The following TRAF5 variants were observed in gnomAD, a reference collection of about 807,000 sequenced individuals.
TRAF5 encodes the protein TNF receptor associated factor 5, also known as TNF receptor-associated factor 5.
TRAF5 carries 48 observed loss-of-function variants against 64.5 expected under a neutral mutation model. That is an observed-to-expected ratio of 0.74 (90% CI 0.59 to 0.95). TRAF5 has a LOEUF of 0.95. Ranked by LOEUF, TRAF5 falls within the 40% of genes least tolerant of loss-of-function variation. TRAF5 has a pLI of 0.00. For missense variants in TRAF5, 545 were observed against 662.8 expected, an observed-to-expected ratio of 0.82 and a Z score of 1.95; for synonymous variants, 206 against 240.5, an observed-to-expected ratio of 0.86 and a Z score of 1.33.
intron 1 of TRAF5, among the ~76,000 whole-genome samples, chr1:211,340,658 T>A (rs1702423134): frequency 6.6e-6 from 1 of 152,220 alleles, no homozygotes; most frequent in African/African-American, 2.4e-5. Flanking sequence ...GGCTCCTTGC[T>A]TCTAGCCCTC....
chr1:211,336,049 A>G (rs927904198), intron 1 of TRAF5, among the ~76,000 whole-genome samples: 2 of 152,026 alleles, frequency 1.3e-5, no homozygotes, highest in Admixed American at 1.3e-4. Flanking sequence ...AGGTTTGTGG[A>G]GGAGAGAAAG....
At chr1:211,369,372 C>T (rs1284779866) in intron 8 of TRAF5, 80 bp from the exon 9 acceptor site, 1 of 1,202,096 alleles carries the variant, frequency 8.3e-7, no homozygotes, top group Non-Finnish European at 1.1e-6. Flanking sequence ...ACTTTCTTAG[C>T]TGCAAGTGCA....
At chr1:211,340,645 T>C (rs902455987) in intron 1 of TRAF5, among the ~76,000 whole-genome samples, 3 of 152,232 alleles carry the variant, frequency 2.0e-5, no homozygotes, top group African/African-American at 7.2e-5. Flanking sequence ...GTCTAGACTT[T>C]CTGGCTCCTT....
intron 1 of TRAF5, among the ~76,000 whole-genome samples, chr1:211,334,547 A>G (rs1702241634): frequency 6.6e-6 from 1 of 152,314 alleles, no homozygotes; most frequent in East Asian, 1.9e-4. Flanking sequence ...AGTCCCAGCT[A>G]CTTGGGAGGC....
At position 211,359,967 on chromosome 1, in the gene TRAF5, G is replaced by T; in HGVS notation, c.434G>T (p.Arg145Leu). The T allele has an allele frequency of 6.2e-7, 1 of 1,614,058 alleles. No individual in the cohort carries two copies. Among genetic ancestry groups the T allele is most frequent in the Non-Finnish European group, 8.5e-7 (1 of 1,179,934 alleles). Residue 145 changes from arginine to leucine, a missense_variant, in exon 5 of 11, where the codon CGG becomes CTG. Transcript: ENST00000261464. ...GTGCAGTGTTCTAATGAGAAGTGCC[G>T]GGAGCCAGTCCTACGGAAAGACCTG... ...QPVQCSNEKC[R>L]EPVLRKDLKE... is the part of the protein sequence containing the mutation.
At chr1:211,358,766 T>C (rs1209626388) in intron 4 of TRAF5, 1 of 148,576 alleles carries the variant, frequency 6.7e-6, no homozygotes, top group Non-Finnish European at 1.5e-5. Context: ...ACACTGTCCA[T>C]GTAATCATTC....
intron 8 of TRAF5, among the ~76,000 whole-genome samples, chr1:211,367,641 G>T (rs561756506): frequency 6.6e-6 from 1 of 152,238 alleles, no homozygotes; most frequent in Admixed American, 6.5e-5. Context: ...GAGGGGACAT[G>T]GTAATGATAT....
intron 4 of TRAF5, chr1:211,356,980 AAGGTGAAGCATTGAT>A (rs1702990078): frequency 6.6e-6 from 1 of 152,606 alleles, no homozygotes; most frequent in Non-Finnish European, 1.5e-5. Context: ...CTGTGGGTTA[AAGGTGAAGCATTGAT>A]AGGAGAGACA....
Position 211,361,075 on chromosome 1 carries a change from A to T in TRAF5, c.622-13A>T. On this transcript the variant is annotated splice_polypyrimidine_tract_variant and intron_variant, in intron 6 of 10. Transcript: ENST00000261464. ...TGATGAATTTCTATAGCTTGTGACT[A>T]TCCATTTCGTAGGTAGATGAACACC... 6.2e-7 allele frequency: 1 copy of T among 1,613,364 alleles called. No individual in the cohort carries two copies.
chr1:211,337,104 T>C (rs922012279), intron 1 of TRAF5, among the ~76,000 whole-genome samples: 1 of 152,262 alleles, frequency 6.6e-6, no homozygotes, highest in Non-Finnish European at 1.5e-5. Flanking sequence ...GCTTATATTC[T>C]ATTCTGATAG....
At chr1:211,355,838 A>G (rs1325470134) in intron 3 of TRAF5, among the ~76,000 whole-genome samples, 9 of 152,344 alleles carry the variant, frequency 5.9e-5, no homozygotes, top group African/African-American at 1.9e-4. Flanking sequence ...GTGTTCATAA[A>G]TAGTGTTTTA....
rs201400842 is a variant in TRAF5 at position 211,353,352 on chromosome 1, G to A, written c.113G>A (p.Arg38Gln). The change falls in exon 2 of 11, where the codon CGG (arginine) becomes CAG (glutamine). Residue 38 changes from arginine (R) to glutamine (Q), a missense_variant. Arg to Gln is a conservative substitution (Grantham distance 43). Coordinates refer to ENST00000261464, the MANE Select transcript of TRAF5 (RefSeq NM_001033910.3). ...EPSIEYQFVE[R>Q]LEERYKCAFC... is the part of the protein sequence containing the mutation. ...AGTATAGAGTACCAGTTTGTGGAGC[G>A]GTTGGAAGAGCGCTACAAATGTGCC... 2.0e-4 allele frequency: 315 copies of A among 1,614,152 alleles called. No individual in the cohort carries two copies. In the East Asian group the frequency reaches 2.9e-3, roughly 15 times the overall value.
chr1:211,357,842 A>C (rs1206524400), intron 4 of TRAF5: 1 of 152,162 alleles, frequency 6.6e-6, no homozygotes, highest in African/African-American at 2.4e-5. Flanking sequence ...AGAGTCAAAC[A>C]ATAATAATAA....
intron 1 of TRAF5, among the ~76,000 whole-genome samples, chr1:211,340,828 C>G (rs1310675891): frequency 2.6e-5 from 4 of 152,238 alleles, no homozygotes; most frequent in Admixed American, 2.6e-4. Flanking sequence ...AGCGTGGGCT[C>G]CCAGAGCTGG....
At chr1:211,337,243 C>T (rs1189014446) in intron 1 of TRAF5, among the ~76,000 whole-genome samples, 1 of 152,192 alleles carries the variant, frequency 6.6e-6, no homozygotes, top group Admixed American at 6.5e-5. Context: ...TCAGCAAAGG[C>T]CTCCCTTGTG....
rs370826461 is a variant in TRAF5, at chr1:211,339,369, G to A, written c.-2+12480G>A. Reference sequence around the variant, plus strand: ...ACCAGAAGAGCTGCCAGAGGCCTGCGGATTGCAGCAAATCCAACAGGCCCT... The same window carrying A: ...ACCAGAAGAGCTGCCAGAGGCCTGCAGATTGCAGCAAATCCAACAGGCCCT... On this transcript the variant is annotated intron_variant, in intron 1 of 10. Coordinates refer to ENST00000261464, the MANE Select transcript of TRAF5 (RefSeq NM_001033910.3). 2.3e-4 allele frequency among the ~76,000 whole-genome samples: 35 copies of A among 152,298 alleles called. No homozygotes were observed. In the East Asian group the frequency reaches 5.8e-3, roughly 25 times the overall value.
At chr1:211,369,669 A>C in intron 9 of TRAF5, 77 bp downstream of exon 9, 7 of 1,362,676 alleles carry the variant, frequency 5.1e-6, no homozygotes, top group Non-Finnish European at 6.9e-6. Flanking sequence ...AACTTCTTAA[A>C]TAGAAATAAT....
intron 1 of TRAF5, among the ~76,000 whole-genome samples, chr1:211,328,527 C>G (rs1459395936): frequency 6.6e-6 from 1 of 152,078 alleles, no homozygotes; most frequent in Non-Finnish European, 1.5e-5. Flanking sequence ...GCAGCAAGCC[C>G]GCTGGACTTG....
intron 10 of TRAF5, 49 bp from the exon 11 acceptor site, chr1:211,372,079 T>C: frequency 6.8e-7 from 1 of 1,465,204 alleles, no homozygotes; most frequent in Non-Finnish European, 9.1e-7. Context: ...ATTTTAAAGA[T>C]AACTTTTAGG....
Sources: gnomAD v4.1 joint callset for allele counts (sites outside exome capture counted in the v4.1 genomes callset) on GRCh38, gnomAD v4.1.1 for gene constraint, MANE v1.5 for transcripts, NCBI Gene and HGNC (gene_info 2026-07-23, HGNC 2026-07-21) for gene names.